The following HOXD1 variants were observed in gnomAD, a reference collection of about 807,000 sequenced individuals.
HOXD1 encodes the protein homeobox D1.
HOXD1 carries 17 observed loss-of-function variants against 19.9 expected under a neutral mutation model. The observed-to-expected ratio is 0.85, with a 90% CI of 0.58 to 1.28. The LOEUF (loss-of-function observed/expected upper bound fraction) is 1.28. Among genes scored for constraint, HOXD1 ranks in the 50% most tolerant of loss-of-function variants. The pLI, the probability that HOXD1 is intolerant of heterozygous loss-of-function variation, is 0.00. For synonymous variants in HOXD1, 239 were observed against 216.0 expected (o/e 1.11, Z -0.93); for missense variants, 500 against 460.1 (o/e 1.09, Z -0.79).
chr2:176,188,735 G>C lies in HOXD1; in HGVS notation c.-67G>C, dbSNP rs752944890. The C allele has an allele frequency of 9.2e-6, 14 of 1,523,052 alleles. No individual in the cohort carries two copies. The highest frequency in any genetic ancestry group is 1.3e-5 in the Non-Finnish European group (14 of 1,116,912). 94.3% of individuals were successfully genotyped at this position (1,523,052 alleles called of 1,614,324 possible). A position where few individuals can be genotyped will look rare whatever the true frequency, so the allele number is the denominator to read the frequency against. On this transcript the variant is annotated 5_prime_UTR_variant, in exon 1 of 2. Coordinates refer to ENST00000331462, the MANE Select transcript of HOXD1 (RefSeq NM_024501.3). ...GAGCGGCGCAGACGGCGGCAGTCCT[G>C]CTCAGCCTCTGCCCGGCTCCGTACT... is the stretch of plus-strand genomic sequence containing the variant.
Position 176,188,988 on chromosome 2 carries a change from C to T in HOXD1, c.187C>T (p.Pro63Ser). ...CLPLAAARPS[P>S]SPPAAPARPS... ...GCCCCTGGCCGCCGCCCGACCCTCGCCTTCGCCCCCGGCCGCCCCCGCGCG... is the reference window on the plus strand; with the variant it reads ...GCCCCTGGCCGCCGCCCGACCCTCGTCTTCGCCCCCGGCCGCCCCCGCGCG... Residue 63 changes from proline (P) to serine (S), a missense_variant, in exon 1 of 2, where the codon CCT becomes TCT. Pro to Ser is a moderately conservative substitution (Grantham distance 74). Coordinates refer to ENST00000331462, the MANE Select transcript of HOXD1 (RefSeq NM_024501.3). 6.9e-7 allele frequency: 1 copy of T among 1,454,332 alleles called. No homozygotes were observed. The highest frequency in any genetic ancestry group is 9.0e-7 in the Non-Finnish European group (1 of 1,114,122). The allele number at this position is 1,454,332 out of a possible 1,614,324, so 90.1% of individuals were successfully genotyped here.
In HOXD1 at chr2:176,189,121, G is replaced by A. The variant is rs1330860541; in HGVS notation, c.320G>A (p.Gly107Asp). ...GCGGCAGCTGGGGGCGCGGACTACG[G>A]CTTCCTGGGGTCCGGGCCGGCGTAC... ...PAAAAGGADYGFLGSGPAYDF... is the reference protein window; with the variant it reads ...PAAAAGGADYDFLGSGPAYDF... Residue 107 changes from glycine (G) to aspartate (D), a missense_variant, in exon 1 of 2, where the codon GGC (glycine) becomes GAC (aspartate). Coordinates refer to ENST00000331462, the MANE Select transcript of HOXD1 (RefSeq NM_024501.3). 6.4e-7 allele frequency: 1 copy of A among 1,560,378 alleles called. No homozygotes were observed. The highest frequency in any genetic ancestry group is 1.2e-5 in the South Asian group (1 of 83,758).
Position 176,189,862 on chromosome 2 carries a change from T to G in HOXD1, c.707T>G (p.Phe236Cys). 6.2e-7 allele frequency: 1 copy of G among 1,614,164 alleles called. No individual in the cohort carries two copies. Among genetic ancestry groups the G allele is most frequent in the Non-Finnish European group, 8.5e-7 (1 of 1,180,026 alleles). Residue 236 changes from phenylalanine (F) to cysteine (C), a missense_variant, in exon 2 of 2, where the codon TTC becomes TGC. Physicochemically the swap from Phe to Cys is radical, Grantham distance 205. Transcript: ENST00000331462. ...ASPSSAIRTN[F>C]STKQLTELEK... is the part of the protein sequence containing the mutation. ...CCCTCCAGCGCGATCCGCACGAATT[T>G]CAGCACCAAGCAACTGACAGAACTG... is the stretch of plus-strand genomic sequence containing the variant.
Position 176,189,063 on chromosome 2 carries a change from G to A in HOXD1, c.262G>A (p.Glu88Lys), listed in dbSNP as rs747439287. 23 of 1,478,450 alleles carry A rather than the reference G, an allele frequency of 1.6e-5. No individual in the cohort carries two copies. The South Asian group carries it at 2.6e-4, about 17-fold the overall frequency. The allele number at this position is 1,478,450 out of a possible 1,614,324, so 91.6% of individuals were successfully genotyped here. A position where few individuals can be genotyped will look rare whatever the true frequency, so the allele number is the denominator to read the frequency against. The change falls in exon 1 of 2, where the codon GAG (glutamate) becomes AAG (lysine). Residue 88 changes from glutamate to lysine, a missense_variant. Physicochemically the swap from Glu to Lys is moderately conservative, Grantham distance 56 (BLOSUM62 1). Coordinates refer to ENST00000331462, the MANE Select transcript of HOXD1 (RefSeq NM_024501.3). Reference protein sequence around the residue: ...AAPQYAQCTLEGAYEPGAAPA... With the variant: ...AAPQYAQCTLKGAYEPGAAPA... Reference sequence around the variant, plus strand: ...GCCCCAGTACGCGCAGTGCACCCTGGAGGGGGCCTACGAACCTGGTGCCGC... The same window carrying A: ...GCCCCAGTACGCGCAGTGCACCCTGAAGGGGGCCTACGAACCTGGTGCCGC...
chr2:176,189,134 C>T lies in HOXD1; in HGVS notation c.333C>T (p.Ser111=), dbSNP rs1201640298. 1.3e-6 allele frequency: 2 copies of T among 1,573,214 alleles called. No homozygotes were observed. The highest frequency in any genetic ancestry group is 1.2e-5 in the South Asian group (1 of 85,850). ...GCGCGGACTACGGCTTCCTGGGGTCCGGGCCGGCGTACGACTTCCCGGGCG... is the reference window on the plus strand; with the variant it reads ...GCGCGGACTACGGCTTCCTGGGGTCTGGGCCGGCGTACGACTTCCCGGGCG... ...AGGADYGFLG[S]GPAYDFPGVL... is the part of the protein sequence containing the mutation. Residue 111 remains serine (S), a synonymous_variant, in exon 1 of 2, where the codon TCC becomes TCT. Transcript: ENST00000331462.
chr2:176,189,095 C>T lies in HOXD1; in HGVS notation c.294C>T (p.Ala98=). 6.6e-7 allele frequency: 1 copy of T among 1,516,752 alleles called. No homozygotes were observed. The allele number at this position is 1,516,752 out of a possible 1,614,324, so 94.0% of individuals were successfully genotyped here. A position where few individuals can be genotyped will look rare whatever the true frequency, so the allele number is the denominator to read the frequency against. Residue 98 remains alanine (A), a synonymous_variant, in exon 1 of 2, where the codon GCC becomes GCT. Transcript: ENST00000331462. ...CCTACGAACCTGGTGCCGCACCTGCCGCGGCAGCTGGGGGCGCGGACTACG... is the reference window on the plus strand; with the variant it reads ...CCTACGAACCTGGTGCCGCACCTGCTGCGGCAGCTGGGGGCGCGGACTACG... ...EGAYEPGAAP[A]AAAGGADYGF... is the part of the protein sequence containing the mutation.
At position 176,189,047 on chromosome 2, in the gene HOXD1, C is replaced by T; in HGVS notation, c.246C>T (p.Tyr82=). The T allele has an allele frequency of 7.0e-7, 1 of 1,431,022 alleles. No homozygotes were observed. The highest frequency in any genetic ancestry group is 9.0e-7 in the Non-Finnish European group (1 of 1,107,476). The allele number at this position is 1,431,022 out of a possible 1,614,324, so 88.6% of individuals were successfully genotyped here. A position where few individuals can be genotyped will look rare whatever the true frequency, so the allele number is the denominator to read the frequency against. Residue 82 remains tyrosine (Y), a synonymous_variant, in exon 1 of 2, where the codon TAC becomes TAT. Coordinates refer to ENST00000331462, the MANE Select transcript of HOXD1 (RefSeq NM_024501.3). ...PSVPPPAAPQ[Y]AQCTLEGAYE... ...TACCGCCTCCGGCCGCGCCCCAGTACGCGCAGTGCACCCTGGAGGGGGCCT... is the reference window on the plus strand; with the variant it reads ...TACCGCCTCCGGCCGCGCCCCAGTATGCGCAGTGCACCCTGGAGGGGGCCT...
chr2:176,188,918 C>T lies in HOXD1; in HGVS notation c.117C>T (p.Pro39=), dbSNP rs960542036. The change falls in exon 1 of 2, where the codon CCC becomes CCT. Residue 39 remains proline, a synonymous_variant. Transcript: ENST00000331462. ...ACGCCCGGCCCGTGGCTCTGCAGCC[C>T]GCCTTCCCTCTGGGCAACGGCGACG... The part of the protein sequence containing the change: ...RSDARPVALQ[P]AFPLGNGDGA... 3 of 1,583,562 alleles carry T rather than the reference C, an allele frequency of 1.9e-6. No homozygotes were observed. Among genetic ancestry groups the T allele is most frequent in the African/African-American group, 1.4e-5 (1 of 73,280 alleles).
In HOXD1 at chr2:176,189,814, TCGCCG is replaced by T; in HGVS notation, c.660_664del (p.Ala221ValfsTer5). On this transcript the variant is annotated frameshift_variant, in exon 2 of 2. Coordinates refer to ENST00000331462, the MANE Select transcript of HOXD1 (RefSeq NM_024501.3). LOFTEE classifies it high-confidence loss of function. ...CCCTGTCTTTACGTTGCAGGCAAAC[TCGCCG>T]AGTATGGGGCCGCTAGCCCCTCCAG... 1 of 1,613,326 alleles carries T rather than the reference TCGCCG, an allele frequency of 6.2e-7. No homozygotes were observed. The highest frequency in any genetic ancestry group is 2.2e-5 in the East Asian group (1 of 44,836).
At chr2:176,189,752 AC>A in intron 1 of HOXD1, 55 bp from the exon 2 acceptor site, 1 of 1,608,830 alleles carries the variant, frequency 6.2e-7, no homozygotes, top group Non-Finnish European at 8.5e-7. Flanking sequence ...TCCACTGCTC[AC>A]CCACATTCTG....
At position 176,189,198 on chromosome 2, in the gene HOXD1, C is replaced by T. The variant is rs1326730137; in HGVS notation, c.397C>T (p.His133Tyr). The change falls in exon 1 of 2, where the codon CAC (histidine) becomes TAC (tyrosine). Residue 133 changes from histidine to tyrosine, a missense_variant. Physicochemically the swap from His to Tyr is moderately conservative, Grantham distance 83. Coordinates refer to ENST00000331462, the MANE Select transcript of HOXD1 (RefSeq NM_024501.3). ...GGCCGACGACGGCGGGTCTCACGTC[C>T]ACTACGCCACCTCGGCCGTCTTCTC... The part of the protein sequence containing the change: ...RAADDGGSHV[H>Y]YATSAVFSGG... 6.3e-7 allele frequency: 1 copy of T among 1,580,240 alleles called. No homozygotes were observed. Among genetic ancestry groups the T allele is most frequent in the Non-Finnish European group, 8.6e-7 (1 of 1,166,238 alleles).
intron 1 of HOXD1, 130 bp downstream of exon 1, chr2:176,189,583 C>T (rs1691749524): frequency 6.4e-7 from 1 of 1,573,304 alleles, no homozygotes; most frequent in Non-Finnish European, 8.6e-7. Context: ...AGACGCGTTC[C>T]CGGGCGAATT....
In HOXD1 at chr2:176,190,057, C is replaced by T. The variant is rs531276066; in HGVS notation, c.902C>T (p.Pro301Leu). 1.2e-6 allele frequency: 2 copies of T among 1,613,916 alleles called. No homozygotes were observed. The highest frequency in any genetic ancestry group is 1.3e-5 in the African/African-American group (1 of 75,020). ...GLLATAIPVA[P>L]LQLPLSGTTP... ...CTGGCCACGGCCATTCCTGTGGCTC[C>T]CCTCCAACTTCCCCTCTCTGGAACA... Residue 301 changes from proline to leucine, a missense_variant, in exon 2 of 2, where the codon CCC becomes CTC. Pro to Leu is a moderately conservative substitution (Grantham distance 98). Transcript: ENST00000331462.
Position 176,190,443 on chromosome 2 carries a change from G to C in HOXD1, c.*301G>C. On this transcript the variant is annotated 3_prime_UTR_variant, in exon 2 of 2. Transcript: ENST00000331462. ...CCTCACTTAGTCATGTGCAATTCGC[G>C]TTGCAGAGTGGCAGACCATTAGTTG... 2.6e-6 allele frequency: 1 copy of C among 383,264 alleles called. No homozygotes were observed. The highest frequency in any genetic ancestry group is 4.7e-6 in the Non-Finnish European group (1 of 213,868). The allele number at this position is 383,264 out of a possible 1,614,324, so 23.7% of individuals were successfully genotyped here.
intron 1 of HOXD1, 112 bp from the exon 2 acceptor site, chr2:176,189,696 C>T: frequency 1.2e-6 from 2 of 1,608,618 alleles, no homozygotes; most frequent in Non-Finnish European, 8.5e-7. Context: ...AAATTCTGTT[C>T]CTAGGGACCC....
In HOXD1 at chr2:176,189,140, G is replaced by C; in HGVS notation, c.339G>C (p.Pro113=). Residue 113 remains proline, a synonymous_variant, in exon 1 of 2, where the codon CCG becomes CCC. Coordinates refer to ENST00000331462, the MANE Select transcript of HOXD1 (RefSeq NM_024501.3). ...GADYGFLGSG[P]AYDFPGVLGR... is the part of the protein sequence containing the mutation. ...ACTACGGCTTCCTGGGGTCCGGGCCGGCGTACGACTTCCCGGGCGTGCTGG... is the reference window on the plus strand; with the variant it reads ...ACTACGGCTTCCTGGGGTCCGGGCCCGCGTACGACTTCCCGGGCGTGCTGG... 2 of 1,580,168 alleles carry C rather than the reference G, an allele frequency of 1.3e-6. No homozygotes were observed. Among genetic ancestry groups the C allele is most frequent in the Non-Finnish European group, 1.7e-6 (2 of 1,167,838 alleles).
Position 176,189,971 on chromosome 2 carries a change from A to G in HOXD1, c.816A>G (p.Gln272=). 1 of 1,614,138 alleles carries G rather than the reference A, an allele frequency of 6.2e-7. No individual in the cohort carries two copies. The highest frequency in any genetic ancestry group is 1.1e-5 in the South Asian group (1 of 91,072). Residue 272 remains glutamine (Q), a synonymous_variant, in exon 2 of 2, where the codon CAA becomes CAG. Transcript: ENST00000331462. ...ACTGCTTGCACCTGAATGACACGCA[A>G]GTCAAAATCTGGTTCCAGAACCGCA... ...IANCLHLNDT[Q]VKIWFQNRRM...
At chr2:176,189,497 G>C in intron 1 of HOXD1, 44 bp downstream of exon 1, 1 of 1,612,356 alleles carries the variant, frequency 6.2e-7, no homozygotes, top group Non-Finnish European at 8.5e-7. Context: ...GGTTGGGGAC[G>C]GAGCCTCCCC....
In HOXD1 at chr2:176,189,174, G is replaced by A; in HGVS notation, c.373G>A (p.Ala125Thr). The A allele has an allele frequency of 1.3e-6, 2 of 1,559,470 alleles. No individual in the cohort carries two copies. Among genetic ancestry groups the A allele is most frequent in the Admixed American group, 1.8e-5 (1 of 55,100 alleles). Residue 125 changes from alanine (A) to threonine (T), a missense_variant, in exon 1 of 2, where the codon GCC (alanine) becomes ACC (threonine). Transcript: ENST00000331462. The part of the protein sequence containing the change: ...YDFPGVLGRA[A>T]DDGGSHVHYA... Reference sequence around the variant, plus strand: ...CTTCCCGGGCGTGCTGGGGCGGGCGGCCGACGACGGCGGGTCTCACGTCCA... The same window carrying A: ...CTTCCCGGGCGTGCTGGGGCGGGCGACCGACGACGGCGGGTCTCACGTCCA...
Sources: allele counts gnomAD v4.1 joint callset, GRCh38; gene constraint gnomAD v4.1.1; transcripts MANE v1.5; gene names NCBI Gene and HGNC (gene_info 2026-07-23, HGNC 2026-07-21).